Variants in UBFD1 observed in about 807,000 individuals in gnomAD.
UBFD1 encodes the protein ubiquitin domain-containing protein UBFD1.
UBFD1 carries 12 observed loss-of-function variants against 35.1 expected under a neutral mutation model. That is an observed-to-expected ratio of 0.34 (90% CI 0.22 to 0.55). The LOEUF (loss-of-function observed/expected upper bound fraction) is 0.55, where lower values mean the gene tolerates loss of function less well. Among genes scored for constraint, UBFD1 ranks in the 20% least tolerant of loss-of-function variants. The pLI, the probability that UBFD1 is intolerant of heterozygous loss-of-function variation, is 0.89. For missense variants in UBFD1, 337 were observed against 410.8 expected, an observed-to-expected ratio of 0.82 and a Z score of 1.55; for synonymous variants, 178 against 167.6, an observed-to-expected ratio of 1.06 and a Z score of -0.48.
At chr16:23,562,971 G>A (rs1451930432) in intron 5 of UBFD1, among the ~76,000 whole-genome samples, 1 of 152,216 alleles carries the variant, frequency 6.6e-6, no homozygotes, top group Non-Finnish European at 1.5e-5. Flanking sequence ...GTTGCACACA[G>A]ATTTGGGGGT....
intron 5 of UBFD1, 132 bp downstream of exon 5, chr16:23,562,862 T>A: frequency 6.2e-6 from 5 of 800,748 alleles, no homozygotes; most frequent in Non-Finnish European, 1.0e-5. Context: ...GCTTCTGGCT[T>A]TTAAATTTGC....
At chr16:23,557,899 C>G (rs1965840310) in intron 1 of UBFD1, 51 bp from the exon 2 acceptor site, 4 of 1,277,214 alleles carry the variant, frequency 3.1e-6, no homozygotes, top group Non-Finnish European at 4.0e-6. Context: ...GGACAGCGTC[C>G]GTTCCCAAGC....
rs373332614 is a variant in UBFD1 at position 23,558,230 on chromosome 16, C to T, written c.306C>T (p.Pro102=). Residue 102 remains proline (P), a synonymous_variant, in exon 2 of 7, where the codon CCC becomes CCT. Coordinates refer to ENST00000395878, the MANE Select transcript of UBFD1 (RefSeq NM_019116.3). The part of the protein sequence containing the change: ...WNKTKHDVKF[P]LDSTGSELKQ... The stretch of plus-strand genomic sequence containing the variant: ...AGACCAAGCATGACGTGAAGTTCCC[C>T]CTGGACAGCACAGGCTCCGAGCTGA... 3.1e-6 allele frequency: 5 copies of T among 1,609,960 alleles called. No individual in the cohort carries two copies. The highest frequency in any genetic ancestry group is 2.2e-5 in the South Asian group (2 of 90,408).
At chr16:23,564,222 A>G (rs1047107089) in intron 5 of UBFD1, 4 of 152,250 alleles carry the variant, frequency 2.6e-5, no homozygotes, top group African/African-American at 9.6e-5. Context: ...ATGGAGAATA[A>G]TTGGGGCAGG....
In UBFD1 at chr16:23,558,097, C is replaced by T. The variant is rs1274530933; in HGVS notation, c.173C>T (p.Pro58Leu). 1.3e-6 allele frequency: 2 copies of T among 1,530,646 alleles called. No individual in the cohort carries two copies. The highest frequency in any genetic ancestry group is 5.4e-5 in the East Asian group (2 of 36,874). 94.8% of individuals were successfully genotyped at this position (1,530,646 alleles called of 1,614,324 possible). ...GCACGAGGCAGCCTGCAGCCGGCCC[C>T]GGCCCAGCCCCCTGGGGACCCCGCA... ...GAARGSLQPA[P>L]AQPPGDPAAQ... Residue 58 changes from proline (P) to leucine (L), a missense_variant, in exon 2 of 7, where the codon CCG (proline) becomes CTG (leucine). Coordinates refer to ENST00000395878, the MANE Select transcript of UBFD1 (RefSeq NM_019116.3).
chr16:23,560,775 T>C (rs8048646), intron 3 of UBFD1, among the ~76,000 whole-genome samples: 12,518 of 152,184 alleles, frequency 0.082, 919 homozygotes, highest in African/African-American at 0.19. Context: ...CTCTAGGGTT[T>C]CAGATAAGGG....
intron 3 of UBFD1, among the ~76,000 whole-genome samples, chr16:23,561,048 A>C (rs745796071): frequency 6.6e-6 from 1 of 152,240 alleles, no homozygotes; most frequent in Non-Finnish European, 1.5e-5. Context: ...TCCACAGTAC[A>C]GGAAATCTTG....
chr16:23,557,771 A>C lies in UBFD1; in HGVS notation c.25+4A>C. The C allele has an allele frequency of 7.8e-7, 1 of 1,287,098 alleles. No homozygotes were observed. The highest frequency in any genetic ancestry group is 4.1e-5 in the Admixed American group (1 of 24,666). The allele number at this position is 1,287,098 out of a possible 1,614,324, so 79.7% of individuals were successfully genotyped here. A position where few individuals can be genotyped will look rare whatever the true frequency, so the allele number is the denominator to read the frequency against. ...GCGGCGGCCGGGGCCCCGGATGGTG[A>C]GTGCGGCGGGGGTGGCGGGCGCCGG... On this transcript the variant is annotated splice_donor_region_variant and intron_variant, in intron 1 of 6. Transcript: ENST00000395878.
chr16:23,561,348 C>T lies in UBFD1; in HGVS notation c.565-858C>T, dbSNP rs571981760. ...TTTGATTAAATTGTTACCTTCTATC[C>T]ATTCATTGTCCCCTAGTTCCAGCCT... On this transcript the variant is annotated intron_variant, in intron 3 of 6. Transcript: ENST00000395878. 1.8e-3 allele frequency among the ~76,000 whole-genome samples: 279 copies of T among 152,282 alleles called. 3 individuals are homozygous for T. Among genetic ancestry groups the T allele is most frequent in the African/African-American group, 6.6e-3 (275 of 41,546 alleles).
intron 3 of UBFD1, among the ~76,000 whole-genome samples, chr16:23,560,733 T>C (rs1965920181): frequency 6.6e-6 from 1 of 152,220 alleles, no homozygotes; most frequent in African/African-American, 2.4e-5. Flanking sequence ...ATATTATCTT[T>C]ATAAAAATTC....
Position 23,573,212 on chromosome 16 carries a change from G to A in UBFD1, c.*2622G>A, listed in dbSNP as rs1389253265. The A allele has an allele frequency of 6.6e-6, 1 of 152,242 alleles. No homozygotes were observed. Among genetic ancestry groups the A allele is most frequent in the Admixed American group, 6.5e-5 (1 of 15,286 alleles). 9.4% of individuals were successfully genotyped at this position (152,242 alleles called of 1,614,324 possible). A position where few individuals can be genotyped will look rare whatever the true frequency, so the allele number is the denominator to read the frequency against. ...CCTCACTGTGGCAGGGGCCGTGCAGGTGGATAAAGGAAGAGCTGGTTTCCG... is the reference window on the plus strand; with the variant it reads ...CCTCACTGTGGCAGGGGCCGTGCAGATGGATAAAGGAAGAGCTGGTTTCCG... On this transcript the variant is annotated 3_prime_UTR_variant, in exon 7 of 7. Coordinates refer to ENST00000395878, the MANE Select transcript of UBFD1 (RefSeq NM_019116.3).
intron 3 of UBFD1, 133 bp downstream of exon 3, chr16:23,559,809 G>A: frequency 6.5e-7 from 1 of 1,545,890 alleles, no homozygotes. Flanking sequence ...GGCAGCAGTT[G>A]GGTGCCGCAG....
chr16:23,563,273 A>T lies in UBFD1; in HGVS notation c.736+543A>T, dbSNP rs951976436. On this transcript the variant is annotated intron_variant, in intron 5 of 6. Coordinates refer to ENST00000395878, the MANE Select transcript of UBFD1 (RefSeq NM_019116.3). ...CACCTGCCTGGCCCCTGTAGGTCAGAGTTTGACCCTATAGTAGGTGAAGTT... is the reference window on the plus strand; with the variant it reads ...CACCTGCCTGGCCCCTGTAGGTCAGTGTTTGACCCTATAGTAGGTGAAGTT... Among the ~76,000 whole-genome samples the T allele has an allele frequency of 7.9e-5, 12 of 152,114 alleles. No individual in the cohort carries two copies. In the East Asian group the frequency reaches 2.1e-3, roughly 27 times the overall value.
chr16:23,564,994 G>A (rs904298937), intron 5 of UBFD1: 3 of 152,188 alleles, frequency 2.0e-5, no homozygotes, highest in Non-Finnish European at 4.4e-5. Context: ...GACTACTCAT[G>A]TTTTCTAGGG....
chr16:23,570,562 C>T lies in UBFD1; in HGVS notation c.902C>T (p.Thr301Ile). Reference protein sequence around the residue: ...PTQYVDAIKDTVLGKWQYF With the variant: ...PTQYVDAIKDIVLGKWQYF Reference sequence around the variant, plus strand: ...CAATATGTGGATGCAATCAAAGACACTGTGCTGGGGAAATGGCAGTATTTT... The same window carrying T: ...CAATATGTGGATGCAATCAAAGACATTGTGCTGGGGAAATGGCAGTATTTT... Residue 301 changes from threonine to isoleucine, a missense_variant, in exon 7 of 7, where the codon ACT becomes ATT. By Grantham distance (89) the Thr-to-Ile change is moderately conservative. This residue lies in a region of UBFD1 where 71 missense variants were observed against 149.6 expected (regional missense o/e 0.47). Transcript: ENST00000395878. The T allele has an allele frequency of 6.2e-7, 1 of 1,614,104 alleles. No individual in the cohort carries two copies. Among genetic ancestry groups the T allele is most frequent in the South Asian group, 1.1e-5 (1 of 91,078 alleles).
intron 6 of UBFD1, among the ~76,000 whole-genome samples, chr16:23,570,049 A>G (rs1966062667): frequency 6.6e-6 from 1 of 152,210 alleles, no homozygotes; most frequent in South Asian, 2.1e-4. Context: ...CAGTGCTGCA[A>G]TGAACATTCA....
chr16:23,557,780 G>T lies in UBFD1; in HGVS notation c.25+13G>T, dbSNP rs375521284. The T allele has an allele frequency of 3.7e-5, 48 of 1,283,388 alleles. No homozygotes were observed. In the Admixed American group the frequency reaches 5.8e-4, roughly 15 times the overall value. The allele number at this position is 1,283,388 out of a possible 1,614,324, so 79.5% of individuals were successfully genotyped here. ...GGGGCCCCGGATGGTGAGTGCGGCG[G>T]GGGTGGCGGGCGCCGGGCCGGGGCT... On this transcript the variant is annotated intron_variant, in intron 1 of 6. Coordinates refer to ENST00000395878, the MANE Select transcript of UBFD1 (RefSeq NM_019116.3).
At chr16:23,562,812 C>A in intron 5 of UBFD1, 82 bp downstream of exon 5, 1 of 1,215,746 alleles carries the variant, frequency 8.2e-7, no homozygotes, top group African/African-American at 1.5e-5. Flanking sequence ...TGCGATTTCA[C>A]CCCTCCTTCT....
intron 5 of UBFD1, 111 bp downstream of exon 5, chr16:23,562,841 G>C (rs906790097): frequency 6.5e-6 from 6 of 923,966 alleles, no homozygotes; most frequent in Non-Finnish European, 1.0e-5. Context: ...TCTCTCCACT[G>C]TGCTTTGCTT....
Sources: gnomAD v4.1 joint callset for allele counts (sites outside exome capture counted in the v4.1 genomes callset) on GRCh38, gnomAD v4.1.1 for gene constraint, gnomAD v4.1.1 regional missense constraint, MANE v1.5 for transcripts, NCBI Gene and HGNC (gene_info 2026-07-23, HGNC 2026-07-21) for gene names.